PTPRT: variants seen among roughly 807,000 people sequenced by gnomAD.
PTPRT encodes the protein receptor-type tyrosine-protein phosphatase T.
A neutral mutation model predicts 176.8 loss-of-function variants in PTPRT; 56 were observed. That is an observed-to-expected ratio of 0.32 (90% CI 0.26 to 0.40). PTPRT has a LOEUF of 0.40. Ranked by LOEUF, PTPRT falls within the 10% of genes least tolerant of loss-of-function variation. The pLI is 1.00. For missense variants in PTPRT, 1,540 were observed against 1,908.2 expected (o/e 0.81, Z 3.60); for synonymous variants, 783 against 739.0 (o/e 1.06, Z -0.96).
At chr20:43,136,957 C>T (rs1024129133) in intron 1 of PTPRT, among the ~76,000 whole-genome samples, 1 of 152,178 alleles carries the variant, frequency 6.6e-6, no homozygotes, top group African/African-American at 2.4e-5. Context: ...GCTGCTACTT[C>T]CAGACATTTC....
intron 12 of PTPRT, among the ~76,000 whole-genome samples, chr20:42,290,860 G>A (rs1483162062): frequency 6.6e-6 from 1 of 152,000 alleles, no homozygotes; most frequent in Non-Finnish European, 1.5e-5. Flanking sequence ...GTCATCAAAT[G>A]TCTCATAGCT....
intron 16 of PTPRT, among the ~76,000 whole-genome samples, chr20:42,190,124 T>C (rs1289777146): frequency 1.4e-5 from 2 of 144,036 alleles, no homozygotes; most frequent in Non-Finnish European, 3.1e-5. Flanking sequence ...GGGGCAAGCT[T>C]GTAACATTCA....
At chr20:42,232,481 T>C (rs977724109) in intron 15 of PTPRT, among the ~76,000 whole-genome samples, 1 of 152,144 alleles carries the variant, frequency 6.6e-6, no homozygotes, top group Admixed American at 6.5e-5. Context: ...ATGCTACTGG[T>C]CCAGGGTCCA....
chr20:42,419,450 A>C (rs1310307689), intron 9 of PTPRT, among the ~76,000 whole-genome samples: 9 of 152,152 alleles, frequency 5.9e-5, no homozygotes, highest in African/African-American at 1.4e-4. Flanking sequence ...CTATTTTAGC[A>C]TGTCTCTGCT....
chr20:42,855,580 C>T (rs375390046), intron 2 of PTPRT, among the ~76,000 whole-genome samples: 18 of 145,220 alleles, frequency 1.2e-4, no homozygotes, highest in African/African-American at 4.1e-4. Context: ...CACAGGAGTG[C>T]GCCACCACAC....
intron 16 of PTPRT, among the ~76,000 whole-genome samples, chr20:42,185,371 C>T (rs745672407): frequency 6.6e-6 from 1 of 152,310 alleles, no homozygotes; most frequent in African/African-American, 2.4e-5. Context: ...CTGAAGATCA[C>T]CAGCTGATTT....
intron 13 of PTPRT, 123 bp from the exon 14 acceptor site, chr20:42,248,945 G>GCT: frequency 8.7e-7 from 1 of 1,144,020 alleles, no homozygotes; most frequent in South Asian, 1.6e-5. Context: ...CTGTGCTAAG[G>GCT]GCATCACATA....
At chr20:43,157,541 C>T (rs925980763) in intron 1 of PTPRT, among the ~76,000 whole-genome samples, 4 of 152,126 alleles carry the variant, frequency 2.6e-5, no homozygotes, top group African/African-American at 9.7e-5. Flanking sequence ...GGGCACTTTG[C>T]AGTATTAAAC....
At chr20:42,042,209 C>T in the PTPRT span, among the ~76,000 whole-genome samples, 1 of 152,104 alleles carries the variant, frequency 6.6e-6, no homozygotes, top group Non-Finnish European at 1.5e-5. Flanking sequence ...GGCTCACTGC[C>T]CTTTGGTTTA....
intron 2 of PTPRT, among the ~76,000 whole-genome samples, chr20:42,867,425 T>TA (rs2078766550): frequency 2.1e-5 from 3 of 142,518 alleles, no homozygotes; most frequent in East Asian, 4.1e-4. Context: ...TTTACTCACT[T>TA]AGAGTACACT....
chr20:42,229,137 G>C (rs768051727), intron 15 of PTPRT, among the ~76,000 whole-genome samples: 1 of 152,188 alleles, frequency 6.6e-6, no homozygotes, highest in African/African-American at 2.4e-5. Context: ...AGTGATGTGA[G>C]GATGCCATGA....
chr20:42,890,085 T>C (rs6030548), intron 1 of PTPRT, among the ~76,000 whole-genome samples: 5,731 of 152,268 alleles, frequency 0.038, 272 homozygotes, highest in African/African-American at 0.11. Context: ...AAACAACATC[T>C]GCACAAGGGG....
intron 7 of PTPRT, among the ~76,000 whole-genome samples, chr20:42,605,239 C>G (rs2073855030): frequency 6.6e-6 from 1 of 152,170 alleles, no homozygotes; most frequent in Admixed American, 6.5e-5. Flanking sequence ...ATCCATTCAG[C>G]CACTTTCTGC....
intron 7 of PTPRT, among the ~76,000 whole-genome samples, chr20:42,573,745 C>CTTTTTTTTTTTTTTTTTTT: frequency 8.7e-6 from 1 of 115,458 alleles, no homozygotes; most frequent in Non-Finnish European, 1.7e-5. Flanking sequence ...CCCTTTCTTT[C>CTTTTTTTTTTTTTTTTTTT]TTTCTTTTTT....
At chr20:42,401,534 TAC>T (rs375668491) in intron 9 of PTPRT, among the ~76,000 whole-genome samples, 1 of 151,980 alleles carries the variant, frequency 6.6e-6, no homozygotes, top group African/African-American at 2.4e-5. Flanking sequence ...AACACACACA[TAC>T]ACACACACGA....
intron 1 of PTPRT, among the ~76,000 whole-genome samples, chr20:43,102,001 A>T (rs1404515247): frequency 6.6e-6 from 1 of 152,206 alleles, no homozygotes; most frequent in East Asian, 1.9e-4. Flanking sequence ...TATTCATCAT[A>T]GATGGCACCA....
At chr20:43,161,070 A>G (rs1005138876) in intron 1 of PTPRT, among the ~76,000 whole-genome samples, 5 of 152,212 alleles carry the variant, frequency 3.3e-5, no homozygotes, top group African/African-American at 1.2e-4. Flanking sequence ...TGAATTTTCT[A>G]TACTTACATT....
intron 7 of PTPRT, among the ~76,000 whole-genome samples, chr20:42,531,554 C>G (rs2072385055): frequency 6.6e-6 from 1 of 152,224 alleles, no homozygotes; most frequent in African/African-American, 2.4e-5. Flanking sequence ...CTCCTGGCTG[C>G]CAGGCGCCCT....
intron 11 of PTPRT, among the ~76,000 whole-genome samples, chr20:42,333,333 T>C (rs1397774104): frequency 6.6e-6 from 1 of 152,204 alleles, no homozygotes; most frequent in Non-Finnish European, 1.5e-5. Context: ...TATTAATATG[T>C]ATAGGCTTAG....
Sources: allele counts gnomAD v4.1 joint callset (sites outside exome capture counted in the v4.1 genomes callset), GRCh38; gene constraint gnomAD v4.1.1; transcripts MANE v1.5; gene names NCBI Gene and HGNC (gene_info 2026-07-23, HGNC 2026-07-21).